The following SLC44A2 variants were observed in gnomAD, a reference collection of about 807,000 sequenced individuals.
SLC44A2 encodes the protein solute carrier family 44 member 2 (CTL2 blood group).
SLC44A2 carries 57 observed loss-of-function variants against 90.8 expected under a neutral mutation model. The ratio of observed to expected loss-of-function variants is 0.63; its 90% CI spans 0.51 to 0.78. SLC44A2 has a LOEUF of 0.78. SLC44A2 is among the 30% of genes least tolerant of loss of function. SLC44A2 has a pLI of 0.00. For missense variants in SLC44A2, 794 were observed against 919.7 expected, an observed-to-expected ratio of 0.86 and a Z score of 1.77; for synonymous variants, 355 against 360.7, an observed-to-expected ratio of 0.98 and a Z score of 0.18.
intron 16 of SLC44A2, 123 bp downstream of exon 16, chr19:10,636,879 C>A: frequency 9.7e-7 from 1 of 1,029,022 alleles, no homozygotes; most frequent in South Asian, 1.6e-5. Context: ...GGGTTTCTGT[C>A]TATGACGGGG....
chr19:10,638,569 C>T (rs960275617), intron 20 of SLC44A2, among the ~76,000 whole-genome samples: 7 of 152,126 alleles, frequency 4.6e-5, no homozygotes, highest in South Asian at 4.1e-4. Flanking sequence ...TTTTGCCTCC[C>T]GAGTAGTTGG....
intron 20 of SLC44A2, among the ~76,000 whole-genome samples, chr19:10,639,456 G>A (rs1041842484): frequency 3.9e-5 from 6 of 152,098 alleles, no homozygotes; most frequent in Non-Finnish European, 2.9e-5. Context: ...GGTCCAGGTG[G>A]TGCCATGCAG....
At position 10,631,373 on chromosome 19, in the gene SLC44A2, C is replaced by T. The variant is rs1010798887; in HGVS notation, c.429C>T (p.Phe143=). ...EYYKQFCVPG[F]KNNKGVAEVL... is the part of the protein sequence containing the mutation. ...ATAAGCAGTTCTGTGTTCCTGGCTT[C>T]AAGAACAATAAAGTGAGTTGTAGAC... Residue 143 remains phenylalanine (F), a synonymous_variant, in exon 6 of 22, where the codon TTC becomes TTT. Transcript: ENST00000335757. The T allele has an allele frequency of 6.2e-7, 1 of 1,614,162 alleles. No individual in the cohort carries two copies. Among genetic ancestry groups the T allele is most frequent in the Non-Finnish European group, 8.5e-7 (1 of 1,180,040 alleles).
At chr19:10,628,121 A>C in intron 4 of SLC44A2, 117 bp downstream of exon 4, 59 of 933,214 alleles carry the variant, frequency 6.3e-5, no homozygotes, top group Non-Finnish European at 9.1e-5. Context: ...GCGGTGACTC[A>C]CGCCCGAAAT....
At chr19:10,621,991 G>A (rs556910729), upstream of SLC44A2, among the ~76,000 whole-genome samples, 1 of 152,286 alleles carries the variant, frequency 6.6e-6, no homozygotes, top group East Asian at 1.9e-4. Flanking sequence ...CGAACTACTG[G>A]CCTCCAGTGA....
At position 10,627,776 on chromosome 19, in the gene SLC44A2, C is replaced by T. The variant is rs1486675893; in HGVS notation, c.141C>T (p.Tyr47=). ...TCCTGCTCCTGGCCATTGTGGGCTACGTGGCTGTAGGCATCATAGGTGAGT... is the reference window on the plus strand; with the variant it reads ...TCCTGCTCCTGGCCATTGTGGGCTATGTGGCTGTAGGCATCATAGGTGAGT... ...CVFLLLAIVG[Y]VAVGIIAWTH... is the part of the protein sequence containing the mutation. Residue 47 remains tyrosine (Y), a synonymous_variant, in exon 3 of 22, where the codon TAC becomes TAT. Coordinates refer to ENST00000335757, the MANE Select transcript of SLC44A2 (RefSeq NM_020428.4). 2.5e-6 allele frequency: 4 copies of T among 1,613,974 alleles called. No individual in the cohort carries two copies. The highest frequency in any genetic ancestry group is 1.1e-5 in the South Asian group (1 of 91,082).
At position 10,635,037 on chromosome 19, in the gene SLC44A2, T is replaced by C; in HGVS notation, c.1019T>C (p.Ile340Thr). The C allele has an allele frequency of 6.2e-7, 1 of 1,614,120 alleles. No individual in the cohort carries two copies. The change falls in exon 12 of 22, where the codon ATT becomes ACT. Residue 340 changes from isoleucine to threonine, a missense_variant. Around this residue, in one of 3 missense-constraint regions of SLC44A2, gnomAD observed 738 missense variants for 841.1 expected, o/e 0.88. Transcript: ENST00000335757. ...CTGCTCATCTTTCTCCGGAAGAGAA[T>C]TCTCATCGCGATTGCACTCATCAAA... is the stretch of plus-strand genomic sequence containing the variant. Reference protein sequence around the residue: ...ILLLIFLRKRILIAIALIKEA... With the variant: ...ILLLIFLRKRTLIAIALIKEA...
In SLC44A2 at chr19:10,614,425, G is replaced by A. The variant is rs546234276; in HGVS notation, c.32-11828G>A. 4.6e-5 allele frequency among the ~76,000 whole-genome samples: 7 copies of A among 152,092 alleles called. No individual in the cohort carries two copies. The East Asian group carries it at 1.2e-3, about 25-fold the overall frequency. ...TGCCTTAAGTTTTTGTAGAGACAGGGTTGTGATCTGTTGATCAGGCTGGTC... is the reference window on the plus strand; with the variant it reads ...TGCCTTAAGTTTTTGTAGAGACAGGATTGTGATCTGTTGATCAGGCTGGTC... On this transcript the variant is annotated intron_variant, in intron 1 of 21. Coordinates refer to the SLC44A2 transcript ENST00000407327.
intron 1 of SLC44A2, 126 bp from the exon 2 acceptor site, chr19:10,626,127 A>G: frequency 1.3e-6 from 1 of 794,118 alleles, no homozygotes; most frequent in East Asian, 2.4e-5. Flanking sequence ...AGAAAATTCC[A>G]CAGGTCTCTG....
In SLC44A2 at chr19:10,643,395, G is replaced by T; in HGVS notation, c.*10G>T. 1 of 1,604,308 alleles carries T rather than the reference G, an allele frequency of 6.2e-7. No individual in the cohort carries two copies. The highest frequency in any genetic ancestry group is 8.5e-7 in the Non-Finnish European group (1 of 1,174,440). ...GGCAGCGGAGTCCTGAAGGCCCCGT[G>T]CTCCCCACCTCTCAAGGAGTCTCAT... On this transcript the variant is annotated 3_prime_UTR_variant, in exon 22 of 22. Transcript: ENST00000335757.
rs1054210036 is a variant in SLC44A2 at position 10,631,502 on chromosome 19, G to T, written c.469G>T (p.Asp157Tyr). 1.2e-6 allele frequency: 2 copies of T among 1,614,050 alleles called. No homozygotes were observed. Among genetic ancestry groups the T allele is most frequent in the South Asian group, 1.1e-5 (1 of 91,078 alleles). ...KGVAEVLQDG[D>Y]CPAVLIPSKP... ...AGTGGCTGAGGTGCTTCAAGATGGT[G>T]ACTGCCCTGCTGTCCTCATCCCCAG... The change falls in exon 7 of 22, where the codon GAC becomes TAC. Residue 157 changes from aspartate (D) to tyrosine (Y), a missense_variant. By Grantham distance (160) the Asp-to-Tyr change is radical (BLOSUM62 -3). Transcript: ENST00000335757.
At chr19:10,632,654 C>T (rs138391776) in intron 10 of SLC44A2, among the ~76,000 whole-genome samples, 67 of 149,150 alleles carry the variant, frequency 4.5e-4, no homozygotes, top group African/African-American at 1.4e-3. Flanking sequence ...AGTGCCTCAA[C>T]CTAACTGTGC....
At chr19:10,606,492 A>G (rs568397839) in intron 1 of SLC44A2, among the ~76,000 whole-genome samples, 1 of 152,082 alleles carries the variant, frequency 6.6e-6, no homozygotes, top group Non-Finnish European at 1.5e-5. Flanking sequence ...CCTGACCAAC[A>G]TGGCGAAACC....
At chr19:10,623,041 G>T (rs1467082325), upstream of SLC44A2, among the ~76,000 whole-genome samples, 3 of 150,620 alleles carry the variant, frequency 2.0e-5, no homozygotes, top group Non-Finnish European at 4.5e-5. Flanking sequence ...TCAGTGTGGA[G>T]CTGGTGGGTG....
upstream of SLC44A2, among the ~76,000 whole-genome samples, chr19:10,621,055 GAA>G (rs2144829485): frequency 6.6e-6 from 1 of 152,120 alleles, no homozygotes; most frequent in South Asian, 2.1e-4. Flanking sequence ...ACAACAAAGA[GAA>G]AGTCATAGGG....
intron 1 of SLC44A2, among the ~76,000 whole-genome samples, chr19:10,603,971 C>G (rs963320546): frequency 2.0e-5 from 3 of 152,152 alleles, no homozygotes; most frequent in African/African-American, 7.2e-5. Context: ...GAGCTGTGGT[C>G]GGAGCTAGGC....
intron 3 of SLC44A2, 56 bp from the exon 4 acceptor site, chr19:10,627,864 A>T: frequency 6.2e-7 from 1 of 1,611,344 alleles, no homozygotes; most frequent in Non-Finnish European, 8.5e-7. Flanking sequence ...CTGGAGTGGG[A>T]ACAGGGCTGG....
At chr19:10,607,832 G>A (rs1474488790) in intron 1 of SLC44A2, among the ~76,000 whole-genome samples, 4 of 148,194 alleles carry the variant, frequency 2.7e-5, no homozygotes, top group Non-Finnish European at 5.9e-5. Context: ...TGCAAGCACC[G>A]CCTCCCGGGT....
intron 1 of SLC44A2, among the ~76,000 whole-genome samples, chr19:10,613,160 C>T (rs1279298011): frequency 2.0e-5 from 3 of 151,944 alleles, no homozygotes; most frequent in African/African-American, 7.3e-5. Flanking sequence ...CGGGCTCAAG[C>T]GATTCTCCCA....
Sources: allele counts gnomAD v4.1 joint callset (sites outside exome capture counted in the v4.1 genomes callset), GRCh38; gene constraint gnomAD v4.1.1; regional missense constraint gnomAD v4.1.1; transcripts MANE v1.5; gene names NCBI Gene and HGNC (gene_info 2026-07-23, HGNC 2026-07-21).